The following DPYD variants were observed in gnomAD, a reference collection of about 807,000 sequenced individuals.
The protein encoded by DPYD is dihydropyrimidine dehydrogenase [NADP(+)].
A neutral mutation model predicts 116.2 loss-of-function variants in DPYD; 109 were observed. The ratio of observed to expected loss-of-function variants is 0.94; its 90% CI spans 0.80 to 1.10. The LOEUF (loss-of-function observed/expected upper bound fraction) is 1.10. Among genes scored for constraint, DPYD ranks in the 50% least tolerant of loss-of-function variants. The probability of loss-of-function intolerance (pLI) is 0.00; values close to 1 mark genes in which losing one functional copy is unlikely to be tolerated. For missense variants in DPYD, 1,302 were observed against 1,254.5 expected (o/e 1.04, Z -0.57); for synonymous variants, 440 against 432.0 (o/e 1.02, Z -0.23).
chr1:97,577,879 C>T (rs1653377688), intron 10 of DPYD, among the ~76,000 whole-genome samples: 1 of 151,454 alleles, frequency 6.6e-6, no homozygotes, highest in African/African-American at 2.4e-5. Context: ...CGCTCTGTTG[C>T]CAGTTGCCCA....
At chr1:97,088,975 A>T (rs1649711708) in intron 21 of DPYD, among the ~76,000 whole-genome samples, 2 of 152,074 alleles carry the variant, frequency 1.3e-5, no homozygotes, top group South Asian at 4.1e-4. Flanking sequence ...CCTCCTGTTT[A>T]TGCTCCATAG....
At chr1:97,643,181 T>C (rs906408936) in intron 8 of DPYD, among the ~76,000 whole-genome samples, 2 of 151,916 alleles carry the variant, frequency 1.3e-5, no homozygotes. Flanking sequence ...TTGTAATCTA[T>C]CCATCTGACA....
chr1:97,583,892 A>G (rs529005399), intron 10 of DPYD, among the ~76,000 whole-genome samples: 152 of 152,222 alleles, frequency 1.0e-3, no homozygotes, highest in African/African-American at 3.6e-3. Flanking sequence ...ATGTGTCTTC[A>G]TAGCACCATG....
At chr1:97,292,428 C>T (rs79231379) in intron 18 of DPYD, among the ~76,000 whole-genome samples, 1 of 152,020 alleles carries the variant, frequency 6.6e-6, no homozygotes, top group African/African-American at 2.4e-5. Flanking sequence ...GGGAAAAGCC[C>T]CTTATAAAAC....
At chr1:97,271,567 A>G (rs566609645) in intron 18 of DPYD, among the ~76,000 whole-genome samples, 43 of 152,148 alleles carry the variant, frequency 2.8e-4, no homozygotes, top group Non-Finnish European at 5.9e-4. Flanking sequence ...TTTAAATTCA[A>G]CCTTTTTCAA....
chr1:97,207,479 G>T (rs1484970186), intron 19 of DPYD, among the ~76,000 whole-genome samples: 1 of 152,002 alleles, frequency 6.6e-6, no homozygotes, highest in Non-Finnish European at 1.5e-5. Flanking sequence ...ATAGATTTTT[G>T]CATCTCTGGT....
At chr1:97,671,946 ATTT>A (rs202099045) in intron 8 of DPYD, among the ~76,000 whole-genome samples, 1 of 127,872 alleles carries the variant, frequency 7.8e-6, no homozygotes, top group Non-Finnish European at 1.7e-5. Context: ...TTTATCTATT[ATTT>A]TTTTTTTTTT....
intron 1 of DPYD, among the ~76,000 whole-genome samples, chr1:97,906,610 C>G (rs1027779858): frequency 1.3e-5 from 2 of 152,068 alleles, no homozygotes; most frequent in African/African-American, 4.8e-5. Context: ...CCACCCTAAT[C>G]CACGGGGATA....
intron 14 of DPYD, among the ~76,000 whole-genome samples, chr1:97,405,160 C>T (rs575114483): frequency 3.7e-4 from 57 of 152,038 alleles, no homozygotes; most frequent in African/African-American, 1.4e-3. Context: ...ATATATTATA[C>T]GTAAGTATAC....
At chr1:97,236,719 G>C (rs1355151317) in intron 18 of DPYD, among the ~76,000 whole-genome samples, 1 of 152,152 alleles carries the variant, frequency 6.6e-6, no homozygotes, top group East Asian at 1.9e-4. Flanking sequence ...AACACCAAGT[G>C]TGAAACCTAT....
chr1:97,815,780 G>A (rs571757759), intron 3 of DPYD, among the ~76,000 whole-genome samples: 1 of 152,278 alleles, frequency 6.6e-6, no homozygotes, highest in East Asian at 1.9e-4. Context: ...ATGCAAGTAT[G>A]AAGATGTAAA....
intron 13 of DPYD, among the ~76,000 whole-genome samples, chr1:97,511,469 G>A (rs1647791989): frequency 6.6e-6 from 1 of 151,854 alleles, no homozygotes; most frequent in African/African-American, 2.4e-5. Context: ...CTCCATATTT[G>A]TTAGATTTTT....
At chr1:97,633,740 G>C (rs1199583721) in intron 8 of DPYD, among the ~76,000 whole-genome samples, 1 of 152,114 alleles carries the variant, frequency 6.6e-6, no homozygotes, top group Non-Finnish European at 1.5e-5. Context: ...CAAGTGGTTA[G>C]ATTCAGGGGC....
chr1:97,822,368 T>A (rs1430048208), intron 3 of DPYD, among the ~76,000 whole-genome samples: 2 of 147,970 alleles, frequency 1.4e-5, no homozygotes, highest in African/African-American at 4.9e-5. Flanking sequence ...ATAAATATTG[T>A]AAAATTCTAA....
intron 5 of DPYD, chr1:97,720,107 A>T: frequency 1.0e-6 from 1 of 984,902 alleles, no homozygotes; most frequent in Non-Finnish European, 1.2e-6. Flanking sequence ...ACCATGTGAG[A>T]GTTTCCAGAG....
At chr1:97,641,446 C>T (rs1313808924) in intron 8 of DPYD, among the ~76,000 whole-genome samples, 11 of 151,964 alleles carry the variant, frequency 7.2e-5, no homozygotes, top group East Asian at 1.9e-4. Context: ...TTTCCAGTTC[C>T]GCTTTCATTT....
chr1:97,102,119 T>G (rs1369505422), intron 20 of DPYD, among the ~76,000 whole-genome samples: 3 of 151,882 alleles, frequency 2.0e-5, no homozygotes, highest in African/African-American at 7.3e-5. Context: ...TAAAGTTAAT[T>G]GAGCATATTA....
chr1:97,378,260 G>T (rs1397914654), intron 15 of DPYD, among the ~76,000 whole-genome samples: 5 of 152,156 alleles, frequency 3.3e-5, no homozygotes, highest in Non-Finnish European at 5.9e-5. Flanking sequence ...TACTGTCCCT[G>T]TTCAGAGACT....
chr1:97,134,007 AAAAAAAAAT>A (rs1413809575), intron 20 of DPYD, among the ~76,000 whole-genome samples: 5 of 44,178 alleles, frequency 1.1e-4, no homozygotes, highest in Non-Finnish European at 1.5e-4. Flanking sequence ...TCAAAAAAAA[AAAAAAAAAT>A]ATATATATAT....
Sources: gnomAD v4.1 joint callset for allele counts (sites outside exome capture counted in the v4.1 genomes callset) on GRCh38, gnomAD v4.1.1 for gene constraint, MANE v1.5 for transcripts, NCBI Gene and HGNC (gene_info 2026-07-23, HGNC 2026-07-21) for gene names.